The following PKD1L3 variants were observed in gnomAD, a reference collection of about 807,000 sequenced individuals.
The protein encoded by PKD1L3 is polycystin-1-like protein 3.
PKD1L3 carries 239 observed loss-of-function variants against 184.1 expected under a neutral mutation model. The observed-to-expected ratio is 1.30, with a 90% confidence interval of 1.17 to 1.45. The LOEUF (loss-of-function observed/expected upper bound fraction) is 1.45. Ranked by LOEUF, PKD1L3 falls within the 40% of genes most tolerant of loss-of-function variation. PKD1L3 has a pLI of 0.00. For missense variants in PKD1L3, 2,660 were observed against 2,067.2 expected, an observed-to-expected ratio of 1.29 and a Z score of -5.56; for synonymous variants, 996 against 778.8, an observed-to-expected ratio of 1.28 and a Z score of -4.64.
At chr16:71,938,291 G>A (rs1292604370) in intron 24 of PKD1L3, among the ~76,000 whole-genome samples, 4 of 152,254 alleles carry the variant, frequency 2.6e-5, no homozygotes, top group Admixed American at 2.6e-4. Flanking sequence ...GCCCCCTACT[G>A]CCTCGGCCTT....
At chr16:71,942,126 C>T (rs2038382312) in intron 24 of PKD1L3, among the ~76,000 whole-genome samples, 1 of 151,600 alleles carries the variant, frequency 6.6e-6, no homozygotes, top group Admixed American at 6.6e-5. Flanking sequence ...ACCAGCCTGG[C>T]AAACATGGCG....
chr16:71,942,985 T>G lies in PKD1L3; in HGVS notation c.3899A>C (p.Tyr1300Ser). Residue 1300 changes from tyrosine (Y) to serine (S), a missense_variant, in exon 24 of 30, where the codon TAC becomes TCC. Transcript: ENST00000620267. Reference sequence around the variant, plus strand: ...AAATCTATTGGAGTTCTTTGCAGAGTAGATTGCAGTCATCAACAGGGTAAG... The same window carrying G: ...AAATCTATTGGAGTTCTTTGCAGAGGAGATTGCAGTCATCAACAGGGTAAG... ...LFLTLLMTAI[Y>S]SAKNSNRFYL... The G allele has an allele frequency of 6.4e-7, 1 of 1,551,376 alleles. No homozygotes were observed. Among genetic ancestry groups the G allele is most frequent in the South Asian group, 1.2e-5 (1 of 84,054 alleles).
intron 6 of PKD1L3, among the ~76,000 whole-genome samples, chr16:71,983,713 C>T (rs910335119): frequency 7.6e-6 from 1 of 132,398 alleles, no homozygotes; most frequent in Non-Finnish European, 1.5e-5. Context: ...GCCACCCAGG[C>T]TGGAGTGGAG....
At chr16:71,980,361 C>T (rs1288397405) in intron 7 of PKD1L3, among the ~76,000 whole-genome samples, 2 of 152,112 alleles carry the variant, frequency 1.3e-5, no homozygotes, top group Non-Finnish European at 2.9e-5. Flanking sequence ...TATGCCTTTG[C>T]CCCATCATAT....
Position 71,951,760 on chromosome 16 carries a change from G to T in PKD1L3, c.3010-16C>A. On this transcript the variant is annotated splice_polypyrimidine_tract_variant and intron_variant, in intron 18 of 29. Coordinates refer to ENST00000620267, the MANE Select transcript of PKD1L3 (RefSeq NM_181536.2). ...CCTTTAATTCCTGAATGTAGGACCA[G>T]ATGAGAAAAATCAGCCTGTTTTTCA... 2 of 1,538,726 alleles carry T rather than the reference G, an allele frequency of 1.3e-6. No individual in the cohort carries two copies. Among genetic ancestry groups the T allele is most frequent in the South Asian group, 2.4e-5 (2 of 82,358 alleles).
rs568068788 is a variant in PKD1L3 at position 71,977,352 on chromosome 16, C to T, written c.1643G>A (p.Ser548Asn). 16 of 1,548,714 alleles carry T rather than the reference C, an allele frequency of 1.0e-5. No individual in the cohort carries two copies. The Admixed American group carries it at 1.4e-4, about 13-fold the overall frequency. Residue 548 changes from serine (S) to asparagine (N), a missense_variant, in exon 11 of 30, where the codon AGC (serine) becomes AAC (asparagine). By Grantham distance (46) the Ser-to-Asn change is conservative (BLOSUM62 1). Transcript: ENST00000620267. Reference sequence around the variant, plus strand: ...TAAAAGGGGACTGTCAGGATCTATGCTCACTATCAAGGATTTCTCCAAGGA... The same window carrying T: ...TAAAAGGGGACTGTCAGGATCTATGTTCACTATCAAGGATTTCTCCAAGGA... ...VTSLEKSLIV[S>N]IDPDSPLLMT... is the part of the protein sequence containing the mutation.
chr16:71,976,990 G>A (rs766729945), intron 11 of PKD1L3, among the ~76,000 whole-genome samples: 5 of 152,292 alleles, frequency 3.3e-5, no homozygotes, highest in East Asian at 1.9e-4. Flanking sequence ...TGATCTGCCC[G>A]CCTCGGCCTC....
chr16:71,999,494 T>C (rs1307618278), intron 1 of PKD1L3, among the ~76,000 whole-genome samples, 190 bp downstream of exon 1: 4 of 152,160 alleles, frequency 2.6e-5, no homozygotes, highest in African/African-American at 4.8e-5. Context: ...AATTGCATCA[T>C]TTTTGCTAAC....
intron 28 of PKD1L3, among the ~76,000 whole-genome samples, chr16:71,932,012 G>A (rs952159): frequency 0.28 from 42,539 of 151,956 alleles, 7,648 homozygotes; most frequent in East Asian, 0.66. Context: ...CTAAGTAACA[G>A]GAACTACAGG....
chr16:71,930,269 T>C (rs2037892771), intron 28 of PKD1L3, 86 bp from the exon 29 acceptor site: 1 of 1,326,522 alleles, frequency 7.5e-7, no homozygotes, highest in Non-Finnish European at 9.9e-7. Flanking sequence ...GTTTGGGATC[T>C]TATCAGAAGA....
intron 22 of PKD1L3, 21 bp downstream of exon 22, chr16:71,947,471 T>A (rs8050058): frequency 2.1e-5 from 31 of 1,480,886 alleles, no homozygotes; most frequent in Non-Finnish European, 2.9e-5. Context: ...ATTAGGTAGT[T>A]GTTAGAACTA....
intron 9 of PKD1L3, among the ~76,000 whole-genome samples, chr16:71,978,867 T>C (rs551735605): frequency 1.2e-4 from 19 of 152,220 alleles, no homozygotes; most frequent in African/African-American, 4.6e-4. Flanking sequence ...TATTGGGATG[T>C]GCCCCCTACT....
rs2038782259 is a variant in PKD1L3, at chr16:71,950,321, ATTTCAAG to A, written c.3191-18_3191-12del. The A allele has an allele frequency of 2.7e-6, 4 of 1,508,570 alleles. No homozygotes were observed. The East Asian group carries it at 9.9e-5, about 38-fold the overall frequency. 93.4% of individuals were successfully genotyped at this position (1,508,570 alleles called of 1,614,324 possible). A position where few individuals can be genotyped will look rare whatever the true frequency, so the allele number is the denominator to read the frequency against. On this transcript the variant is annotated splice_polypyrimidine_tract_variant and intron_variant, in intron 19 of 29. Transcript: ENST00000620267. ...GGTTTTCAGGAACAACTGAAAATAT[ATTTCAAG>A]TTGACACTTTCACAAGTGGATTTCA... is the stretch of plus-strand genomic sequence containing the variant.
rs976856412 is a variant in PKD1L3 at position 71,976,766 on chromosome 16, G to A, written c.1759+470C>T. ...AGACCCTGTCTCCACTTTTTGAGAC[G>A]GAGTCTGTCTCTGTCTCCCAGGCTG... On this transcript the variant is annotated intron_variant, in intron 11 of 29. Coordinates refer to ENST00000620267, the MANE Select transcript of PKD1L3 (RefSeq NM_181536.2). 2.0e-5 allele frequency among the ~76,000 whole-genome samples: 3 copies of A among 152,094 alleles called. No individual in the cohort carries two copies. In the East Asian group the frequency reaches 5.8e-4, roughly 29 times the overall value.
chr16:71,936,105 A>T (rs1463527521), intron 25 of PKD1L3, among the ~76,000 whole-genome samples: 1 of 150,496 alleles, frequency 6.6e-6, no homozygotes, highest in Non-Finnish European at 1.5e-5. Flanking sequence ...AAAAATTTCT[A>T]AATTAGTTAT....
chr16:71,986,446 G>A lies in PKD1L3; in HGVS notation c.609C>T (p.Ile203=). The part of the protein sequence containing the change: ...AHLSKTLCHP[I]SQFPSVLSSI... Reference sequence around the variant, plus strand: ...TTGATAGTACTGAAGGAAACTGGCTGATGGGATGACACAGGGTCTTGGACT... The same window carrying A: ...TTGATAGTACTGAAGGAAACTGGCTAATGGGATGACACAGGGTCTTGGACT... The change falls in exon 5 of 30, where the codon ATC becomes ATT. Residue 203 remains isoleucine, a synonymous_variant. Transcript: ENST00000620267. 2 of 1,551,870 alleles carry A rather than the reference G, an allele frequency of 1.3e-6. No individual in the cohort carries two copies. Among genetic ancestry groups the A allele is most frequent in the Non-Finnish European group, 1.7e-6 (2 of 1,146,830 alleles).
chr16:71,967,857 CA>C (rs1190735767), intron 14 of PKD1L3, 48 bp downstream of exon 14: 9 of 1,427,142 alleles, frequency 6.3e-6, no homozygotes, highest in Non-Finnish European at 8.7e-6. Context: ...GAGTGTGTCT[CA>C]TGTGGCAGAA....
chr16:71,990,505 G>T (rs1370263351), intron 3 of PKD1L3, among the ~76,000 whole-genome samples, 176 bp from the exon 4 acceptor site: 1 of 152,198 alleles, frequency 6.6e-6, no homozygotes, highest in Non-Finnish European at 1.5e-5. Context: ...GGCTGAGGCA[G>T]GCAGATCACT....
intron 28 of PKD1L3, among the ~76,000 whole-genome samples, chr16:71,932,044 C>G (rs1184295361): frequency 6.6e-6 from 1 of 152,182 alleles, no homozygotes; most frequent in Non-Finnish European, 1.5e-5. Context: ...ATGCCTGACT[C>G]TTCTACTGTA....
Sources: allele counts gnomAD v4.1 joint callset (sites outside exome capture counted in the v4.1 genomes callset), GRCh38; gene constraint gnomAD v4.1.1; transcripts MANE v1.5; gene names NCBI Gene and HGNC (gene_info 2026-07-23, HGNC 2026-07-21).